The following SORCS2 variants were observed in gnomAD, a reference collection of about 807,000 sequenced individuals.
SORCS2 encodes sortilin related VPS10 domain containing receptor 2, also known as VPS10 domain-containing receptor SorCS2.
Under a neutral mutation model 141.6 loss-of-function variants are expected in SORCS2, and 100 were observed. The ratio of observed to expected loss-of-function variants is 0.71; its 90% CI spans 0.60 to 0.83. SORCS2 has a LOEUF of 0.83. Among genes scored for constraint, SORCS2 ranks in the 40% least tolerant of loss-of-function variants. SORCS2 has a pLI of 0.00. For missense variants in SORCS2, 1,646 were observed against 1,560.2 expected (o/e 1.05, Z -0.93); for synonymous variants, 789 against 676.9 (o/e 1.17, Z -2.57).
intron 3 of SORCS2, among the ~76,000 whole-genome samples, chr4:7,633,480 C>A (rs1465390691): frequency 6.6e-6 from 1 of 152,202 alleles, no homozygotes; most frequent in Non-Finnish European, 1.5e-5. Context: ...TTTGTACCTG[C>A]CCAACACCTG....
chr4:7,490,879 G>A (rs6837378), intron 2 of SORCS2, among the ~76,000 whole-genome samples: 4,100 of 152,170 alleles, frequency 0.027, 169 homozygotes, highest in African/African-American at 0.092. Flanking sequence ...TGTGCCCTCT[G>A]CCCATGCCTT....
chr4:7,488,690 T>G (rs938770345), intron 2 of SORCS2, among the ~76,000 whole-genome samples: 2 of 152,142 alleles, frequency 1.3e-5, no homozygotes, highest in Non-Finnish European at 2.9e-5. Flanking sequence ...GACCCATGAG[T>G]GTCTCAGCCA....
rs1712015225 is a variant in SORCS2, at chr4:7,233,057, TG to T, written c.480+39932del. On this transcript the variant is annotated intron_variant, in intron 1 of 26. Transcript: ENST00000507866. The surrounding 1 kb of genome is among the most constrained non-coding windows in gnomAD (Gnocchi z 4.5). Reference sequence around the variant, plus strand: ...GAGGCTTTCTGGGGCATGGGTCAGCTGAGCCCAGGAGTCAGGCTTCGGCACC... The same window carrying T: ...GAGGCTTTCTGGGGCATGGGTCAGCTAGCCCAGGAGTCAGGCTTCGGCACC... 6.6e-6 allele frequency among the ~76,000 whole-genome samples: 1 copy of T among 152,190 alleles called. No homozygotes were observed. The highest frequency in any genetic ancestry group is 2.1e-4 in the South Asian group (1 of 4,826).
In SORCS2 at chr4:7,513,316, A is replaced by G. The variant is rs141801335; in HGVS notation, c.549-18214A>G. Among the ~76,000 whole-genome samples the G allele has an allele frequency of 7.8e-4, 119 of 152,000 alleles. 1 individual carries two copies. The East Asian group carries it at 0.019, about 25-fold the overall frequency. On this transcript the variant is annotated intron_variant, in intron 2 of 26. Transcript: ENST00000507866. ...CCACAGCCCCCTGGCTCACTGGTCA[A>G]CAGCTGGCAAAGCACCTGCCCCCCA...
chr4:7,230,019 C>T (rs1414055150), intron 1 of SORCS2, among the ~76,000 whole-genome samples: 2 of 124,292 alleles, frequency 1.6e-5, no homozygotes, highest in Non-Finnish European at 3.4e-5. Context: ...GTGTCATGTG[C>T]TCATGTATGA....
chr4:7,626,585 T>A (rs1371195719), intron 3 of SORCS2, among the ~76,000 whole-genome samples: 1 of 152,234 alleles, frequency 6.6e-6, no homozygotes, highest in Non-Finnish European at 1.5e-5. Flanking sequence ...CACATACATA[T>A]ATTTGTGTGT....
intron 2 of SORCS2, among the ~76,000 whole-genome samples, chr4:7,512,792 A>AC (rs1732742895): frequency 2.0e-5 from 3 of 150,496 alleles, no homozygotes; most frequent in African/African-American, 7.4e-5. Context: ...TCCTTGTGTG[A>AC]CCCCCACCAG....
At chr4:7,204,867 A>G (rs990896503) in intron 1 of SORCS2, among the ~76,000 whole-genome samples, 1 of 152,162 alleles carries the variant, frequency 6.6e-6, no homozygotes, top group African/African-American at 2.4e-5. Flanking sequence ...GGAAAAGGAG[A>G]CCATTCCCGG....
intron 3 of SORCS2, among the ~76,000 whole-genome samples, chr4:7,585,135 C>G (rs1260921674): frequency 6.6e-6 from 1 of 152,186 alleles, no homozygotes; most frequent in African/African-American, 2.4e-5. Flanking sequence ...GCATATAAAA[C>G]TGAAGAATAT....
At chr4:7,348,585 C>G (rs866699783) in intron 1 of SORCS2, among the ~76,000 whole-genome samples, 10 of 152,214 alleles carry the variant, frequency 6.6e-5, no homozygotes, top group Admixed American at 2.6e-4. Context: ...GAGTTTCACT[C>G]TTGTTGCCCA....
chr4:7,453,275 T>C (rs1387465783), intron 2 of SORCS2, among the ~76,000 whole-genome samples: 3 of 134,552 alleles, frequency 2.2e-5, no homozygotes, highest in South Asian at 2.7e-4. Context: ...AGGCACTGTG[T>C]TGGGGTCAGG....
chr4:7,200,388 C>T (rs1173904907), intron 1 of SORCS2, among the ~76,000 whole-genome samples: 1 of 152,154 alleles, frequency 6.6e-6, no homozygotes, highest in African/African-American at 2.4e-5. Context: ...CTGCAGCGCT[C>T]AGCTGGGCAC....
At chr4:7,458,208 G>GGGA (rs1264357347) in intron 2 of SORCS2, among the ~76,000 whole-genome samples, 6 of 152,184 alleles carry the variant, frequency 3.9e-5, no homozygotes, top group African/African-American at 7.2e-5. Flanking sequence ...GTGGGGCGGG[G>GGGA]GGAGGCGGGG....
At chr4:7,350,595 C>G (rs914380275) in intron 1 of SORCS2, among the ~76,000 whole-genome samples, 3 of 152,192 alleles carry the variant, frequency 2.0e-5, no homozygotes, top group Non-Finnish European at 4.4e-5. Flanking sequence ...CAGGCATGAC[C>G]CTGAAGGCCA....
chr4:7,727,058 T>C (rs1727272757), intron 21 of SORCS2, among the ~76,000 whole-genome samples, 155 bp downstream of exon 21: 1 of 152,202 alleles, frequency 6.6e-6, no homozygotes, highest in Non-Finnish European at 1.5e-5. Flanking sequence ...AGCCCTGCCC[T>C]GGCTGTGTGG....
intron 2 of SORCS2, among the ~76,000 whole-genome samples, chr4:7,527,084 C>T (rs1733740613): frequency 6.6e-6 from 1 of 152,218 alleles, no homozygotes; most frequent in Non-Finnish European, 1.5e-5. Flanking sequence ...GGGTCCAGCC[C>T]TCTCTGTGGC....
At chr4:7,724,931 A>AGTGATGGTGATGATGGTG (rs1560115116) in intron 19 of SORCS2, among the ~76,000 whole-genome samples, 1 of 27,114 alleles carries the variant, frequency 3.7e-5, no homozygotes, top group Non-Finnish European at 6.8e-5. Flanking sequence ...GGATGGTGGT[A>AGTGATGGTGATGATGGTG]GTAGTGGTGA....
intron 1 of SORCS2, among the ~76,000 whole-genome samples, chr4:7,372,400 G>C: frequency 6.6e-6 from 1 of 152,118 alleles, no homozygotes; most frequent in East Asian, 1.9e-4. Flanking sequence ...TCCGTCCCCT[G>C]GGTTTAAGGG....
chr4:7,672,039 G>T (rs1454156736), intron 8 of SORCS2, among the ~76,000 whole-genome samples: 1 of 151,314 alleles, frequency 6.6e-6, no homozygotes, highest in Admixed American at 6.6e-5. Context: ...CACCTCCTGG[G>T]TTCAAGCAAT....
Sources: allele counts gnomAD v4.1 joint callset (sites outside exome capture counted in the v4.1 genomes callset), GRCh38; gene constraint gnomAD v4.1.1; non-coding constraint Gnocchi (gnomAD v3.1); transcripts MANE v1.5; gene names NCBI Gene and HGNC (gene_info 2026-07-23, HGNC 2026-07-21).